Variants in VTI1A observed in about 807,000 individuals in gnomAD.
VTI1A encodes the protein vesicle transport through interaction with t-SNAREs homolog 1A.
In VTI1A, 22 loss-of-function variants were observed where a neutral mutation model predicts 34.9. The observed-to-expected ratio is 0.63, with a 90% CI of 0.45 to 0.90. The LOEUF is 0.90. Among genes scored for constraint, VTI1A ranks in the 40% least tolerant of loss-of-function variants. The pLI is 0.00. For missense variants in VTI1A, 268 were observed against 275.6 expected (o/e 0.97, Z 0.20); for synonymous variants, 87 against 97.3 (o/e 0.89, Z 0.62).
intron 7 of VTI1A, among the ~76,000 whole-genome samples, chr10:112,779,457 T>G (rs1253687895): frequency 3.3e-5 from 5 of 152,222 alleles, no homozygotes; most frequent in African/African-American, 9.6e-5. Context: ...TGTGAACATA[T>G]CTACATAAGA....
rs536799359 is a variant in VTI1A at position 112,667,081 on chromosome 10, A to G, written c.428-1137A>G. ...CTATATTTTTAGGGTGTCCTTTAAA[A>G]AAAAAAGTCTAGCAGTGTGCATATA... On this transcript the variant is annotated intron_variant, in intron 5 of 7. Transcript: ENST00000393077. 1.7e-4 allele frequency among the ~76,000 whole-genome samples: 26 copies of G among 152,260 alleles called. 1 individual carries two copies. The highest frequency in any genetic ancestry group is 6.0e-4 in the African/African-American group (25 of 41,568).
At chr10:112,493,394 T>C (rs939037318) in intron 3 of VTI1A, among the ~76,000 whole-genome samples, 1 of 152,152 alleles carries the variant, frequency 6.6e-6, no homozygotes, top group Non-Finnish European at 1.5e-5. Context: ...TAAAATATCA[T>C]GTCATCTGTG....
intron 5 of VTI1A, among the ~76,000 whole-genome samples, chr10:112,633,749 T>C (rs11813406): frequency 0.013 from 2,010 of 152,308 alleles, 43 homozygotes; most frequent in African/African-American, 0.047. Flanking sequence ...TTCATCCTTG[T>C]TGGTGAACTT....
At chr10:112,479,656 C>T (rs181028948) in intron 3 of VTI1A, among the ~76,000 whole-genome samples, 24 of 152,264 alleles carry the variant, frequency 1.6e-4, no homozygotes, top group Admixed American at 1.6e-3. Flanking sequence ...GTTTCACCCC[C>T]CACCTTCCCG....
At chr10:112,704,775 T>TAACTAA (rs566015573) in intron 7 of VTI1A, among the ~76,000 whole-genome samples, 293 of 152,334 alleles carry the variant, frequency 1.9e-3, no homozygotes, top group African/African-American at 6.9e-3. Context: ...GTGATTTAAC[T>TAACTAA]AACATTCAAT....
intron 5 of VTI1A, among the ~76,000 whole-genome samples, chr10:112,570,924 A>G (rs1055895143): frequency 1.2e-4 from 19 of 152,266 alleles, no homozygotes; most frequent in African/African-American, 4.6e-4. Context: ...AAGAGTTTAC[A>G]TAGATTATTT....
At chr10:112,810,623 G>A (rs1219914596) in intron 7 of VTI1A, among the ~76,000 whole-genome samples, 1 of 152,132 alleles carries the variant, frequency 6.6e-6, no homozygotes, top group East Asian at 1.9e-4. Context: ...ATGGACTTAA[G>A]TCACAAGCCT....
At chr10:112,668,171 T>A in intron 5 of VTI1A, 47 bp from the exon 6 acceptor site, 2 of 1,519,078 alleles carry the variant, frequency 1.3e-6, no homozygotes, top group Non-Finnish European at 1.8e-6. Flanking sequence ...TTTACTCTCA[T>A]ATGCACTCCA....
intron 5 of VTI1A, among the ~76,000 whole-genome samples, chr10:112,637,735 T>C (rs1260963788): frequency 6.6e-6 from 1 of 152,188 alleles, no homozygotes; most frequent in Admixed American, 6.5e-5. Context: ...AATTAAAAAG[T>C]AAAGTAAAAT....
At chr10:112,622,643 C>A (rs1845777309) in intron 5 of VTI1A, among the ~76,000 whole-genome samples, 1 of 151,866 alleles carries the variant, frequency 6.6e-6, no homozygotes, top group Non-Finnish European at 1.5e-5. Context: ...AGATTTTTAC[C>A]CAGAGTCAGT....
chr10:112,838,109 C>T, the VTI1A span, among the ~76,000 whole-genome samples: 2 of 152,250 alleles, frequency 1.3e-5, no homozygotes, highest in African/African-American at 2.4e-5. Flanking sequence ...TGGCCTGGTA[C>T]TGAGTGCTTC....
chr10:112,563,228 A>G (rs536205244), intron 5 of VTI1A, among the ~76,000 whole-genome samples: 3 of 152,356 alleles, frequency 2.0e-5, no homozygotes, highest in East Asian at 1.9e-4. Flanking sequence ...CACTGGCAAC[A>G]GTATATAGTA....
At chr10:112,531,238 C>G (rs1850428982) in intron 4 of VTI1A, among the ~76,000 whole-genome samples, 1 of 151,988 alleles carries the variant, frequency 6.6e-6, no homozygotes, top group South Asian at 2.1e-4. Flanking sequence ...TTTCAGCCCA[C>G]AAAGGAACAG....
At chr10:112,694,525 G>A (rs1848716278) in intron 7 of VTI1A, among the ~76,000 whole-genome samples, 1 of 151,912 alleles carries the variant, frequency 6.6e-6, no homozygotes, top group African/African-American at 2.4e-5. Context: ...ATTTAGGAGA[G>A]AACTCTAATG....
chr10:112,566,586 T>G (rs1162192714), intron 5 of VTI1A, among the ~76,000 whole-genome samples: 1 of 152,028 alleles, frequency 6.6e-6, no homozygotes. Context: ...ATAATTAGAG[T>G]GATTTATTGG....
chr10:112,569,868 A>G (rs1308615872), intron 5 of VTI1A, among the ~76,000 whole-genome samples: 1 of 152,224 alleles, frequency 6.6e-6, no homozygotes, highest in African/African-American at 2.4e-5. Context: ...TCTGAGGGTT[A>G]TTGCTTTCAT....
chr10:112,787,134 T>C (rs1363528560), intron 7 of VTI1A, among the ~76,000 whole-genome samples: 1 of 152,230 alleles, frequency 6.6e-6, no homozygotes, highest in Admixed American at 6.5e-5. Flanking sequence ...GTTTTGGTAA[T>C]GTGTATATTT....
Position 112,665,870 on chromosome 10 carries a change from G to A in VTI1A, c.428-2348G>A, listed in dbSNP as rs777272871. Among the ~76,000 whole-genome samples, 45 of 152,076 alleles carry A rather than the reference G, an allele frequency of 3.0e-4. 1 individual carries two copies. Among genetic ancestry groups the A allele is most frequent in the Non-Finnish European group, 1.5e-5 (1 of 68,012 alleles). On this transcript the variant is annotated intron_variant, in intron 5 of 7. Transcript: ENST00000393077. Reference sequence around the variant, plus strand: ...TATGATACTGGCCACAGACACAATAGTAATAACGTATTTCCTCTTCATTTT... The same window carrying A: ...TATGATACTGGCCACAGACACAATAATAATAACGTATTTCCTCTTCATTTT...
intron 3 of VTI1A, among the ~76,000 whole-genome samples, chr10:112,518,589 C>CTCTA (rs1475485810): frequency 5.3e-5 from 5 of 94,336 alleles, no homozygotes; most frequent in South Asian, 3.9e-4. Context: ...CTCTCTCTCT[C>CTCTA]TATATATATA....
Sources: allele counts gnomAD v4.1 joint callset (sites outside exome capture counted in the v4.1 genomes callset), GRCh38; gene constraint gnomAD v4.1.1; transcripts MANE v1.5; gene names NCBI Gene and HGNC (gene_info 2026-07-23, HGNC 2026-07-21).